Variants in GALNT2 observed in about 807,000 individuals in gnomAD.
The protein encoded by GALNT2 is polypeptide N-acetylgalactosaminyltransferase 2.
A neutral mutation model predicts 81.4 loss-of-function variants in GALNT2; 31 were observed. The observed-to-expected ratio is 0.38, with a 90% CI of 0.29 to 0.51. GALNT2 has a LOEUF of 0.51. GALNT2 is among the 20% of genes least tolerant of loss of function. The probability of loss-of-function intolerance (pLI) is 0.87; values close to 1 mark genes in which losing one functional copy is unlikely to be tolerated. For synonymous variants in GALNT2, 303 were observed against 287.4 expected (o/e 1.05, Z -0.55); for missense variants, 629 against 765.7 (o/e 0.82, Z 2.11).
intron 2 of GALNT2, among the ~76,000 whole-genome samples, chr1:230,186,723 C>T (rs1403066346): frequency 6.6e-6 from 1 of 152,198 alleles, no homozygotes; most frequent in African/African-American, 2.4e-5. Context: ...CTTTCATATC[C>T]TTAACTATTG....
intron 3 of GALNT2, among the ~76,000 whole-genome samples, chr1:230,211,800 C>T (rs905096938): frequency 9.2e-5 from 14 of 152,126 alleles, no homozygotes; most frequent in African/African-American, 2.2e-4. Flanking sequence ...ATTTACTCTG[C>T]ATCACACTCC....
rs1415090323 is a variant in GALNT2 at position 230,275,425 on chromosome 1, T to C, written c.1560+861T>C. Among the ~76,000 whole-genome samples the C allele has an allele frequency of 6.6e-6, 1 of 150,958 alleles. No homozygotes were observed. The highest frequency in any genetic ancestry group is 1.5e-5 in the Non-Finnish European group (1 of 67,722). On this transcript the variant is annotated intron_variant, in intron 15 of 15. Coordinates refer to ENST00000366672, the MANE Select transcript of GALNT2 (RefSeq NM_004481.5). The surrounding 1 kb of genome is among the most constrained non-coding windows in gnomAD (Gnocchi z 5.5). ...TATACATATGTAAACACCACATATATACACACCACATATATATACACGCCA... is the reference window on the plus strand; with the variant it reads ...TATACATATGTAAACACCACATATACACACACCACATATATATACACGCCA...
At position 230,070,649 on chromosome 1, in the gene GALNT2, C is replaced by T. The variant is rs1407000302; in HGVS notation, c.126+3243C>T. Reference sequence around the variant, plus strand: ...TGGCACGAGTCCTGTGGCCCTTGCCCGAGAGTCCAAGGGTGGGGGACTTTG... The same window carrying T: ...TGGCACGAGTCCTGTGGCCCTTGCCTGAGAGTCCAAGGGTGGGGGACTTTG... On this transcript the variant is annotated intron_variant, in intron 1 of 15. Transcript: ENST00000366672. The surrounding 1 kb of genome is among the most constrained non-coding windows in gnomAD (Gnocchi z 4.7). Among the ~76,000 whole-genome samples, 3 of 151,546 alleles carry T rather than the reference C, an allele frequency of 2.0e-5. No individual in the cohort carries two copies. The highest frequency in any genetic ancestry group is 4.4e-5 in the Non-Finnish European group (3 of 67,896).
At chr1:230,116,077 C>T (rs1235245963) in intron 1 of GALNT2, among the ~76,000 whole-genome samples, 3 of 152,200 alleles carry the variant, frequency 2.0e-5, no homozygotes, top group African/African-American at 4.8e-5. Context: ...TTCTTCCACG[C>T]TCTGGTTAGT....
chr1:230,182,332 G>A (rs1412993660), intron 2 of GALNT2, among the ~76,000 whole-genome samples: 1 of 151,546 alleles, frequency 6.6e-6, no homozygotes, highest in Non-Finnish European at 1.5e-5. Context: ...ATTGCTTTTA[G>A]ATCTTTCTTA....
At chr1:230,144,007 C>T (rs1661832422) in intron 1 of GALNT2, among the ~76,000 whole-genome samples, 1 of 152,236 alleles carries the variant, frequency 6.6e-6, no homozygotes, top group South Asian at 2.1e-4. Flanking sequence ...ACATTCAGAA[C>T]GATACCTCCT....
intron 3 of GALNT2, among the ~76,000 whole-genome samples, chr1:230,224,389 A>G (rs558783255): frequency 5.4e-4 from 83 of 152,354 alleles, no homozygotes; most frequent in African/African-American, 2.0e-3. Flanking sequence ...GGGACCTGGC[A>G]GCTGAAGTGC....
intron 1 of GALNT2, among the ~76,000 whole-genome samples, chr1:230,169,346 G>A (rs1048414019): frequency 6.6e-6 from 1 of 152,132 alleles, no homozygotes. Context: ...GTTATATCTT[G>A]GGAAACTGAG....
intron 1 of GALNT2, among the ~76,000 whole-genome samples, chr1:230,156,210 GGA>G (rs750570856): frequency 0.18 from 12,805 of 71,940 alleles, 1,382 homozygotes; most frequent in East Asian, 0.49. Flanking sequence ...AGCAGACGAG[GGA>G]GAGAGAGAGA....
At chr1:230,092,033 A>C (rs1660099461) in intron 1 of GALNT2, 1 of 152,208 alleles carries the variant, frequency 6.6e-6, no homozygotes, top group South Asian at 2.1e-4. Flanking sequence ...CTGTTCAAAA[A>C]GCTTATGTAG....
chr1:230,110,406 A>G (rs977453337), intron 1 of GALNT2, among the ~76,000 whole-genome samples: 2 of 152,104 alleles, frequency 1.3e-5, no homozygotes, highest in African/African-American at 4.8e-5. Flanking sequence ...GAGCCCCACT[A>G]CTGTCACATG....
At chr1:230,075,140 T>TTTTTTG (rs1399602658) in intron 1 of GALNT2, among the ~76,000 whole-genome samples, 113 of 145,404 alleles carry the variant, frequency 7.8e-4, no homozygotes, top group African/African-American at 2.4e-3. Context: ...TTTTTTTTTT[T>TTTTTTG]TTTGAGACAA....
intron 14 of GALNT2, among the ~76,000 whole-genome samples, chr1:230,270,729 G>C (rs1450941491): frequency 6.6e-6 from 1 of 152,210 alleles, no homozygotes; most frequent in Non-Finnish European, 1.5e-5. Context: ...TTGGAAGAGT[G>C]AGGTTTGTTA....
chr1:230,120,410 G>C (rs890052399), intron 1 of GALNT2, among the ~76,000 whole-genome samples: 1 of 152,136 alleles, frequency 6.6e-6, no homozygotes, highest in Non-Finnish European at 1.5e-5. Context: ...CTCTTCCCGA[G>C]AAGAGGGCAG....
chr1:230,253,439 A>G (rs1164775359), intron 10 of GALNT2, among the ~76,000 whole-genome samples: 11 of 152,034 alleles, frequency 7.2e-5, no homozygotes, highest in Non-Finnish European at 4.4e-5. Flanking sequence ...TTTGCCATCA[A>G]CTCACTGTAT....
intron 1 of GALNT2, among the ~76,000 whole-genome samples, chr1:230,087,598 T>C (rs1016538647): frequency 6.6e-6 from 1 of 152,202 alleles, no homozygotes; most frequent in Non-Finnish European, 1.5e-5. Context: ...AATGTCTGGC[T>C]GTGGGGCCCA....
chr1:230,198,870 G>T (rs1663795991), intron 2 of GALNT2, among the ~76,000 whole-genome samples: 1 of 152,060 alleles, frequency 6.6e-6, no homozygotes, highest in South Asian at 2.1e-4. Flanking sequence ...ACTTTTCGCA[G>T]CCCTTTTTAG....
At chr1:230,155,206 C>T (rs765008267) in intron 1 of GALNT2, among the ~76,000 whole-genome samples, 2 of 152,142 alleles carry the variant, frequency 1.3e-5, no homozygotes, top group Non-Finnish European at 1.5e-5. Context: ...ATCTGTGGAG[C>T]GGAAGTCCTG....
chr1:230,073,826 T>C (rs1659447024), intron 1 of GALNT2, among the ~76,000 whole-genome samples: 1 of 152,218 alleles, frequency 6.6e-6, no homozygotes, highest in Non-Finnish European at 1.5e-5. Flanking sequence ...CCTGGTCAAC[T>C]GTCCCTTCTG....
Sources: gnomAD v4.1 joint callset for allele counts (sites outside exome capture counted in the v4.1 genomes callset) on GRCh38, gnomAD v4.1.1 for gene constraint, Gnocchi (gnomAD v3.1) non-coding constraint, MANE v1.5 for transcripts, NCBI Gene and HGNC (gene_info 2026-07-23, HGNC 2026-07-21) for gene names.